TSHZ3: variants seen among roughly 807,000 people sequenced by gnomAD.
TSHZ3 encodes the protein teashirt homolog 3.
TSHZ3 carries 10 observed loss-of-function variants against 64.5 expected under a neutral mutation model. That is an observed-to-expected ratio of 0.16 (90% CI 0.10 to 0.26). The LOEUF (loss-of-function observed/expected upper bound fraction) is 0.26, where lower values mean the gene tolerates loss of function less well. Among genes scored for constraint, TSHZ3 ranks in the 10% least tolerant of loss-of-function variants. The pLI, the probability that TSHZ3 is intolerant of heterozygous loss-of-function variation, is 1.00. For synonymous variants in TSHZ3, 608 were observed against 593.1 expected, an observed-to-expected ratio of 1.03 and a Z score of -0.36; for missense variants, 1,242 against 1,421.7, an observed-to-expected ratio of 0.87 and a Z score of 2.03.
At chr19:31,173,037 A>G (rs1209104491) in intron 5 of TSHZ3, among the ~76,000 whole-genome samples, 25 of 152,196 alleles carry the variant, frequency 1.6e-4, no homozygotes, top group Admixed American at 1.6e-3. Context: ...CTTAGATGAA[A>G]TGGCAGTCCT....
At chr19:31,178,444 C>T (rs1269353311) in intron 5 of TSHZ3, among the ~76,000 whole-genome samples, 1 of 152,122 alleles carries the variant, frequency 6.6e-6, no homozygotes, top group Non-Finnish European at 1.5e-5. Flanking sequence ...GTAAGGGAGG[C>T]CAAGTCAGGT....
intron 1 of TSHZ3, among the ~76,000 whole-genome samples, chr19:31,320,874 G>A (rs909627318): frequency 2.0e-5 from 3 of 152,152 alleles, no homozygotes; most frequent in Admixed American, 6.5e-5. Flanking sequence ...TGAGTCCTGC[G>A]CAGTGTTCAA....
At chr19:31,209,993 G>GT (rs1471276076) in intron 4 of TSHZ3, among the ~76,000 whole-genome samples, 15 of 152,200 alleles carry the variant, frequency 9.9e-5, no homozygotes, top group African/African-American at 3.1e-4. Context: ...AAGGGGAGTT[G>GT]ATTTTGAAGG....
chr19:31,285,362 C>G (rs559681666), intron 1 of TSHZ3, among the ~76,000 whole-genome samples: 6 of 151,962 alleles, frequency 3.9e-5, no homozygotes, highest in Admixed American at 3.3e-4. Context: ...TGCCTGTAGT[C>G]CCAACTACTT....
chr19:31,228,144 C>T (rs937395925), intron 3 of TSHZ3, among the ~76,000 whole-genome samples: 2 of 152,114 alleles, frequency 1.3e-5, no homozygotes, highest in African/African-American at 4.8e-5. Context: ...TGGGGAGCTG[C>T]AAGGAGAGTA....
chr19:31,179,394 T>C (rs1173428122), intron 5 of TSHZ3, among the ~76,000 whole-genome samples: 5 of 152,198 alleles, frequency 3.3e-5, no homozygotes, highest in African/African-American at 1.2e-4. Flanking sequence ...ATCCATCTCT[T>C]GTAGTGCTCC....
At position 31,283,194 on chromosome 19, in the gene TSHZ3, C is replaced by T. The variant is rs982224156; in HGVS notation, c.41-3442G>A. The stretch of plus-strand genomic sequence containing the variant: ...CTAAAATACAAAAAAATTAGCCAGA[C>T]ATGGTGGCACATGCCTGCAGTCCCA... On this transcript the variant is annotated intron_variant, in intron 1 of 1. Coordinates refer to ENST00000240587, the MANE Select transcript of TSHZ3 (RefSeq NM_020856.4). 2.0e-5 allele frequency among the ~76,000 whole-genome samples: 3 copies of T among 152,104 alleles called. No homozygotes were observed. The South Asian group carries it at 6.2e-4, about 32-fold the overall frequency.
intron 1 of TSHZ3, among the ~76,000 whole-genome samples, chr19:31,331,127 C>A (rs1003830832): frequency 6.6e-6 from 1 of 152,104 alleles, no homozygotes; most frequent in African/African-American, 2.4e-5. Context: ...GCGCATGTAA[C>A]CCTGGCCTAA....
At chr19:31,273,070 A>G (rs1976167596), downstream of TSHZ3, among the ~76,000 whole-genome samples, 1 of 152,142 alleles carries the variant, frequency 6.6e-6, no homozygotes, top group Non-Finnish European at 1.5e-5. Flanking sequence ...GGCTGGGGTG[A>G]AAGGTTCTTC....
chr19:31,324,083 C>T (rs796487241), intron 1 of TSHZ3, among the ~76,000 whole-genome samples: 5 of 152,260 alleles, frequency 3.3e-5, no homozygotes, highest in African/African-American at 1.2e-4. Context: ...GCTGGCTCTC[C>T]GCCCCTACAT....
chr19:31,279,580 T>A lies in TSHZ3; in HGVS notation c.213A>T (p.Glu71Asp). 1 of 1,611,776 alleles carries A rather than the reference T, an allele frequency of 6.2e-7. No homozygotes were observed. The highest frequency in any genetic ancestry group is 8.5e-7 in the Non-Finnish European group (1 of 1,178,528). Reference protein sequence around the residue: ...NSPAAEFSCHEMDSESHISET... With the variant: ...NSPAAEFSCHDMDSESHISET... ...CACTGATGTGTGACTCGCTGTCCAT[T>A]TCATGGCAGGAAAACTCGGCGGCCG... The change falls in exon 2 of 2, where the codon GAA becomes GAT. Residue 71 changes from glutamate to aspartate, a missense_variant. Transcript: ENST00000240587. The surrounding 1 kb of genome is among the most constrained non-coding windows in gnomAD (Gnocchi z 6.4).
At chr19:31,315,030 C>T (rs1916562629) in intron 1 of TSHZ3, among the ~76,000 whole-genome samples, 1 of 152,178 alleles carries the variant, frequency 6.6e-6, no homozygotes. Flanking sequence ...ATCCTGCCAC[C>T]AGGGGTTGCT....
At chr19:31,183,999 T>C (rs965748584) in intron 5 of TSHZ3, among the ~76,000 whole-genome samples, 1 of 152,170 alleles carries the variant, frequency 6.6e-6, no homozygotes, top group African/African-American at 2.4e-5. Flanking sequence ...TAAAGTCTCA[T>C]AAATCTAGGT....
intron 1 of TSHZ3, among the ~76,000 whole-genome samples, chr19:31,315,313 A>C (rs1488201096): frequency 1.3e-5 from 2 of 152,118 alleles, no homozygotes; most frequent in Non-Finnish European, 2.9e-5. Flanking sequence ...TATAGAGGAG[A>C]TTCCCCCAGC....
chr19:31,212,050 C>CTT (rs112482043), intron 4 of TSHZ3, among the ~76,000 whole-genome samples: 4 of 146,556 alleles, frequency 2.7e-5, no homozygotes, highest in African/African-American at 9.9e-5. Flanking sequence ...TTCTTTCTCT[C>CTT]TTTTTTTTTT....
At chr19:31,320,844 C>T (rs1485122726) in intron 1 of TSHZ3, among the ~76,000 whole-genome samples, 2 of 152,156 alleles carry the variant, frequency 1.3e-5, no homozygotes, top group African/African-American at 4.8e-5. Context: ...ATATCTGTAT[C>T]TCTGGTTGCA....
At chr19:31,283,549 A>G (rs764981492) in intron 1 of TSHZ3, among the ~76,000 whole-genome samples, 76 of 152,182 alleles carry the variant, frequency 5.0e-4, no homozygotes, top group Non-Finnish European at 9.7e-4. Flanking sequence ...GTTGCCGCAC[A>G]CTGTGCAGTG....
chr19:31,319,015 T>C (rs1418131658), intron 1 of TSHZ3, among the ~76,000 whole-genome samples: 1 of 152,260 alleles, frequency 6.6e-6, no homozygotes, highest in Non-Finnish European at 1.5e-5. Flanking sequence ...CAGCTCTGTC[T>C]GATCAAGGAT....
At chr19:31,271,024 G>T, downstream of TSHZ3, among the ~76,000 whole-genome samples, 1 of 152,178 alleles carries the variant, frequency 6.6e-6, no homozygotes, top group East Asian at 1.9e-4. Flanking sequence ...CCAATGCTGA[G>T]CCTCCAGAAG....
Sources: gnomAD v4.1 joint callset for allele counts (sites outside exome capture counted in the v4.1 genomes callset) on GRCh38, gnomAD v4.1.1 for gene constraint, Gnocchi (gnomAD v3.1) non-coding constraint, MANE v1.5 for transcripts, NCBI Gene and HGNC (gene_info 2026-07-23, HGNC 2026-07-21) for gene names.